The following GABBR2 variants were observed in gnomAD, a reference collection of about 807,000 sequenced individuals.
GABBR2 encodes the protein gamma-aminobutyric acid type B receptor subunit 2.
Under a neutral mutation model 105.6 loss-of-function variants are expected in GABBR2, and 23 were observed. The ratio of observed to expected loss-of-function variants is 0.22; its 90% confidence interval spans 0.16 to 0.31. The LOEUF (loss-of-function observed/expected upper bound fraction) is 0.31. Among genes scored for constraint, GABBR2 ranks in the 10% least tolerant of loss-of-function variants. The pLI is 1.00. For synonymous variants in GABBR2, 478 were observed against 499.7 expected (o/e 0.96, Z 0.58); for missense variants, 734 against 1,245.5 (o/e 0.59, Z 6.18).
intron 1 of GABBR2, chr9:98,707,223 C>T (rs1188843938): frequency 2.0e-5 from 3 of 152,242 alleles, no homozygotes; most frequent in African/African-American, 4.8e-5. Context: ...GCGCGACCCT[C>T]CTCCCAAAAG....
intron 1 of GABBR2, among the ~76,000 whole-genome samples, chr9:98,605,000 G>A (rs527321919): frequency 9.2e-5 from 14 of 152,294 alleles, no homozygotes; most frequent in East Asian, 3.9e-4. Context: ...CAAGGCTGAC[G>A]TGGTCCCTGC....
At chr9:98,656,244 G>T (rs1305889703) in intron 1 of GABBR2, among the ~76,000 whole-genome samples, 1 of 152,224 alleles carries the variant, frequency 6.6e-6, no homozygotes, top group East Asian at 1.9e-4. Context: ...TGGATATGGC[G>T]GAGAGGAGGA....
intron 3 of GABBR2, among the ~76,000 whole-genome samples, chr9:98,513,887 C>T (rs537081056): frequency 1.3e-5 from 2 of 152,288 alleles, no homozygotes; most frequent in East Asian, 3.9e-4. Context: ...TACCATTTGA[C>T]CCAGCCATCC....
chr9:98,422,528 G>GTGTGTGTGTGTC (rs1832801640), intron 7 of GABBR2, among the ~76,000 whole-genome samples: 1 of 151,654 alleles, frequency 6.6e-6, no homozygotes, highest in African/African-American at 2.4e-5. Context: ...GTGTCTGTGT[G>GTGTGTGTGTGTC]TGTGTCTGTG....
chr9:98,358,075 C>T (rs1201613143), intron 13 of GABBR2, among the ~76,000 whole-genome samples: 1 of 152,180 alleles, frequency 6.6e-6, no homozygotes, highest in Admixed American at 6.5e-5. Flanking sequence ...GCCTTCCTTT[C>T]TTTGAAAATA....
At chr9:98,304,800 T>C (rs537321503) in intron 15 of GABBR2, among the ~76,000 whole-genome samples, 16 of 115,746 alleles carry the variant, frequency 1.4e-4, no homozygotes, top group Non-Finnish European at 2.3e-4. Flanking sequence ...GTAAAGGGTC[T>C]CACTCTGTCA....
intron 1 of GABBR2, among the ~76,000 whole-genome samples, chr9:98,643,857 G>C (rs1037419079): frequency 6.6e-6 from 1 of 152,184 alleles, no homozygotes; most frequent in South Asian, 2.1e-4. Flanking sequence ...GCCACCAAGA[G>C]GAGAAAAGCT....
chr9:98,519,290 C>T (rs1588209014), intron 3 of GABBR2, among the ~76,000 whole-genome samples: 1 of 152,248 alleles, frequency 6.6e-6, no homozygotes, highest in Admixed American at 6.5e-5. Context: ...TGTCACTTAA[C>T]ACCTGGTGCC....
chr9:98,472,950 G>T (rs1335405901), intron 6 of GABBR2, among the ~76,000 whole-genome samples, 196 bp downstream of exon 6: 2 of 152,108 alleles, frequency 1.3e-5, no homozygotes, highest in Non-Finnish European at 2.9e-5. Context: ...CCTCATTTGG[G>T]TCTCACAGTT....
chr9:98,697,861 G>A (rs1223977189), intron 1 of GABBR2, among the ~76,000 whole-genome samples: 2 of 152,126 alleles, frequency 1.3e-5, no homozygotes, highest in African/African-American at 4.8e-5. Flanking sequence ...GGGGGCATTC[G>A]CATGGGCTCT....
intron 7 of GABBR2, among the ~76,000 whole-genome samples, chr9:98,410,615 T>C (rs1207770831): frequency 6.9e-6 from 1 of 144,170 alleles, no homozygotes; most frequent in Non-Finnish European, 1.5e-5. Context: ...ACCGTTGGAG[T>C]GTGGGGGCCC....
chr9:98,430,988 A>G (rs1825799071), intron 7 of GABBR2, among the ~76,000 whole-genome samples: 2 of 148,834 alleles, frequency 1.3e-5, no homozygotes, highest in Non-Finnish European at 3.0e-5. Context: ...TCTGGTCCCT[A>G]TTACTCCTCC....
At chr9:98,604,925 C>T (rs1829391334) in intron 1 of GABBR2, among the ~76,000 whole-genome samples, 1 of 152,188 alleles carries the variant, frequency 6.6e-6, no homozygotes, top group Non-Finnish European at 1.5e-5. Flanking sequence ...TTTCCCTGAT[C>T]CAGTAAATAA....
intron 2 of GABBR2, among the ~76,000 whole-genome samples, chr9:98,566,544 G>T (rs770266067): frequency 6.6e-5 from 10 of 151,832 alleles, no homozygotes; most frequent in Non-Finnish European, 8.8e-5. Flanking sequence ...GCACGGTGGC[G>T]GGCACCTGTA....
At chr9:98,586,284 C>CTTTTTTTTT (rs569530376) in intron 1 of GABBR2, among the ~76,000 whole-genome samples, 43 of 131,056 alleles carry the variant, frequency 3.3e-4, no homozygotes, top group East Asian at 4.4e-4. Flanking sequence ...TCTTTTCTTT[C>CTTTTTTTTT]TTTTTTTTTT....
intron 1 of GABBR2, among the ~76,000 whole-genome samples, chr9:98,669,456 T>C (rs1256623209): frequency 1.3e-5 from 2 of 152,204 alleles, no homozygotes; most frequent in Non-Finnish European, 2.9e-5. Flanking sequence ...ATACCTTTTG[T>C]TGATAAATTC....
chr9:98,648,830 C>A (rs2074287245), intron 1 of GABBR2, among the ~76,000 whole-genome samples: 1 of 152,200 alleles, frequency 6.6e-6, no homozygotes, highest in Admixed American at 6.5e-5. Flanking sequence ...CAGCCACAGA[C>A]CAGCTGGACT....
chr9:98,355,286 T>C (rs1831465253), intron 13 of GABBR2, among the ~76,000 whole-genome samples: 1 of 151,944 alleles, frequency 6.6e-6, no homozygotes, highest in South Asian at 2.1e-4. Context: ...ATTATCAACA[T>C]GTGACACCGA....
intron 1 of GABBR2, among the ~76,000 whole-genome samples, chr9:98,674,119 T>C (rs1432508588): frequency 6.6e-6 from 1 of 152,154 alleles, no homozygotes; most frequent in Admixed American, 6.5e-5. Context: ...GGGGTTTTTA[T>C]AAACTTCCCT....
Sources: gnomAD v4.1 joint callset for allele counts (sites outside exome capture counted in the v4.1 genomes callset) on GRCh38, gnomAD v4.1.1 for gene constraint, MANE v1.5 for transcripts, NCBI Gene and HGNC (gene_info 2026-07-23, HGNC 2026-07-21) for gene names.